Variants in NCOA2 observed in about 807,000 individuals in gnomAD.
NCOA2 encodes the protein nuclear receptor coactivator 2.
In NCOA2, 21 loss-of-function variants were observed where a neutral mutation model predicts 145.1. The observed-to-expected ratio is 0.14, with a 90% confidence interval of 0.10 to 0.21. The LOEUF is 0.21. Among genes scored for constraint, NCOA2 ranks in the 10% least tolerant of loss-of-function variants. The probability of loss-of-function intolerance (pLI) is 1.00; values close to 1 mark genes in which losing one functional copy is unlikely to be tolerated. For synonymous variants in NCOA2, 619 were observed against 637.5 expected (o/e 0.97, Z 0.44); for missense variants, 1,472 against 1,837.6 (o/e 0.80, Z 3.64).
At chr8:70,390,708 A>G (rs1813119368) in intron 1 of NCOA2, among the ~76,000 whole-genome samples, 1 of 152,166 alleles carries the variant, frequency 6.6e-6, no homozygotes, top group African/African-American at 2.4e-5. Context: ...TTGAGGCTGC[A>G]GTGAGCTATG....
Position 70,159,244 on chromosome 8 carries a change from T to TATATATATGTATATATA in NCOA2, c.1124+260_1124+261insTATATATACATATATAT. 3.4e-3 allele frequency among the ~76,000 whole-genome samples: 235 copies of TATATATATGTATATATA among 69,272 alleles called. 30 individuals carry two copies. The highest frequency in any genetic ancestry group is 7.9e-3 in the Admixed American group (43 of 5,462). The allele number at this position is 69,272 out of a possible 152,430, so 45.4% of individuals were successfully genotyped here. A position where few individuals can be genotyped will look rare whatever the true frequency, so the allele number is the denominator to read the frequency against. On this transcript the variant is annotated intron_variant, in intron 10 of 22. Coordinates refer to ENST00000452400, the MANE Select transcript of NCOA2 (RefSeq NM_006540.4). The stretch of plus-strand genomic sequence containing the variant: ...ACATTATATATATATATATATATAT[T>TATATATATGTATATATA]TTTTTTTTTTTCCCCCAAATATTTT...
chr8:70,264,586 A>G (rs563068262), intron 2 of NCOA2, among the ~76,000 whole-genome samples: 126 of 152,364 alleles, frequency 8.3e-4, no homozygotes, highest in African/African-American at 2.9e-3. Flanking sequence ...GAAAATATTT[A>G]ATGAAGCTAA....
At chr8:70,177,297 C>A (rs889034949) in intron 4 of NCOA2, among the ~76,000 whole-genome samples, 4 of 152,188 alleles carry the variant, frequency 2.6e-5, no homozygotes, top group Non-Finnish European at 5.9e-5. Context: ...TATCCCCATT[C>A]TCCTGCCTCC....
intron 10 of NCOA2, among the ~76,000 whole-genome samples, chr8:70,159,255 T>TTTTTTTTTC (rs1209017347): frequency 1.5e-4 from 21 of 137,574 alleles, no homozygotes; most frequent in African/African-American, 5.7e-4. Flanking sequence ...TTTTTTTTTT[T>TTTTTTTTTC]CCCCCAAATA....
At chr8:70,267,764 A>C (rs2135220880) in intron 2 of NCOA2, among the ~76,000 whole-genome samples, 1 of 152,216 alleles carries the variant, frequency 6.6e-6, no homozygotes, top group African/African-American at 2.4e-5. Context: ...AAGGCCATAA[A>C]ATTCTATTTT....
intron 2 of NCOA2, among the ~76,000 whole-genome samples, chr8:70,292,965 G>A (rs905948582): frequency 2.0e-5 from 3 of 152,184 alleles, no homozygotes; most frequent in African/African-American, 4.8e-5. Flanking sequence ...CGTATTAAGT[G>A]CAGAGGAGTC....
intron 22 of NCOA2, among the ~76,000 whole-genome samples, chr8:70,119,305 T>C (rs1261642557): frequency 1.3e-5 from 2 of 152,238 alleles, no homozygotes; most frequent in South Asian, 2.1e-4. Flanking sequence ...GAACATGCAA[T>C]AGATATTTGT....
At chr8:70,313,710 G>C (rs75371280) in intron 1 of NCOA2, among the ~76,000 whole-genome samples, 12,245 of 152,158 alleles carry the variant, frequency 0.08, 578 homozygotes, top group East Asian at 0.13. Flanking sequence ...TTTAGGAATA[G>C]AAGTACTCAG....
rs187481712 is a variant in NCOA2 at position 70,344,778 on chromosome 8, G to A, written c.-76-47978C>T. Among the ~76,000 whole-genome samples, 371 of 152,248 alleles carry A rather than the reference G, an allele frequency of 2.4e-3. 2 individuals are homozygous for A. The highest frequency in any genetic ancestry group is 8.4e-3 in the African/African-American group (348 of 41,548). ...CATCAGTCAGGATTATGTAAATCAA[G>A]GCCTGCTTATTAACAAAACTTCAAG... On this transcript the variant is annotated intron_variant, in intron 1 of 22. Coordinates refer to ENST00000452400, the MANE Select transcript of NCOA2 (RefSeq NM_006540.4).
intron 1 of NCOA2, among the ~76,000 whole-genome samples, chr8:70,316,935 T>G (rs1024426512): frequency 6.6e-6 from 1 of 152,166 alleles, no homozygotes; most frequent in Non-Finnish European, 1.5e-5. Context: ...TAAAGTCCCC[T>G]GTCTTCCTCA....
intron 4 of NCOA2, among the ~76,000 whole-genome samples, chr8:70,183,575 T>C (rs1815722949): frequency 6.6e-6 from 1 of 152,218 alleles, no homozygotes; most frequent in South Asian, 2.1e-4. Context: ...CAATATTTAG[T>C]ATCTGTCTCC....
chr8:70,159,772 T>C, intron 9 of NCOA2, 120 bp from the exon 10 acceptor site: 3 of 862,142 alleles, frequency 3.5e-6, no homozygotes, highest in Non-Finnish European at 5.1e-6. Context: ...CCCACCAGCA[T>C]GTAAAGAGTT....
the NCOA2 span, among the ~76,000 whole-genome samples, chr8:70,448,112 G>A: frequency 7.7e-3 from 1,159 of 149,888 alleles, 14 homozygotes; most frequent in African/African-American, 0.027. Flanking sequence ...TTTTTTTCTT[G>A]GAGCTTATAA....
At chr8:70,246,392 A>T (rs1218784712) in intron 2 of NCOA2, among the ~76,000 whole-genome samples, 2 of 152,162 alleles carry the variant, frequency 1.3e-5, no homozygotes, top group African/African-American at 4.8e-5. Flanking sequence ...GCTCAAGTGC[A>T]ATGTGCAAAG....
intron 2 of NCOA2, among the ~76,000 whole-genome samples, chr8:70,223,464 T>C (rs542862475): frequency 5.9e-5 from 9 of 152,334 alleles, no homozygotes; most frequent in East Asian, 1.9e-4. Flanking sequence ...CTAACATTTA[T>C]TGAAGACTTA....
At chr8:70,435,302 G>C in the NCOA2 span, among the ~76,000 whole-genome samples, 7 of 150,098 alleles carry the variant, frequency 4.7e-5, no homozygotes, top group Admixed American at 6.6e-5. Flanking sequence ...GTGGGCGCCT[G>C]TAATCCCAGC....
intron 1 of NCOA2, among the ~76,000 whole-genome samples, chr8:70,365,705 G>C (rs1485246561): frequency 6.6e-6 from 1 of 152,180 alleles, no homozygotes; most frequent in Non-Finnish European, 1.5e-5. Flanking sequence ...CCACACTAGA[G>C]ACACCAATGT....
At chr8:70,215,563 T>C (rs1385594190) in intron 3 of NCOA2, among the ~76,000 whole-genome samples, 3 of 152,216 alleles carry the variant, frequency 2.0e-5, no homozygotes, top group Admixed American at 2.0e-4. Context: ...GAATATAAAA[T>C]ACTGGTGTTT....
At chr8:70,180,165 A>G (rs6995481) in intron 4 of NCOA2, among the ~76,000 whole-genome samples, 19,085 of 152,280 alleles carry the variant, frequency 0.13, 2,034 homozygotes, top group African/African-American at 0.29. Context: ...TTCCTCACTC[A>G]CAAAAGACTT....
Sources: allele counts gnomAD v4.1 joint callset (sites outside exome capture counted in the v4.1 genomes callset), GRCh38; gene constraint gnomAD v4.1.1; transcripts MANE v1.5; gene names NCBI Gene and HGNC (gene_info 2026-07-23, HGNC 2026-07-21).